Variants in ZFAT observed in about 807,000 individuals in gnomAD.
ZFAT encodes the protein zinc finger and AT-hook domain containing.
A neutral mutation model predicts 117.7 loss-of-function variants in ZFAT; 64 were observed. The observed-to-expected ratio is 0.54, with a 90% CI of 0.44 to 0.67. The LOEUF (loss-of-function observed/expected upper bound fraction) is 0.67. Among genes scored for constraint, ZFAT ranks in the 30% least tolerant of loss-of-function variants. ZFAT has a pLI of 0.00. For synonymous variants in ZFAT, 679 were observed against 615.0 expected (o/e 1.10, Z -1.54); for missense variants, 1,433 against 1,584.5 (o/e 0.90, Z 1.62).
chr8:134,622,258 A>C (rs1829172511), intron 3 of ZFAT, among the ~76,000 whole-genome samples: 1 of 152,164 alleles, frequency 6.6e-6, no homozygotes, highest in Admixed American at 6.5e-5. Flanking sequence ...CCAGGTGCTG[A>C]TGCTCCAAGA....
the ZFAT span, among the ~76,000 whole-genome samples, chr8:134,743,503 A>T: frequency 6.6e-6 from 1 of 152,134 alleles, no homozygotes; most frequent in African/African-American, 2.4e-5. Flanking sequence ...AAAAAAATTT[A>T]AAAAAATAAA....
At chr8:134,501,318 C>T (rs777702089) in intron 15 of ZFAT, among the ~76,000 whole-genome samples, 1 of 152,176 alleles carries the variant, frequency 6.6e-6, no homozygotes, top group Non-Finnish European at 1.5e-5. Flanking sequence ...GGGTCTTCCA[C>T]AGGCCTTTGA....
the ZFAT span, among the ~76,000 whole-genome samples, chr8:134,788,895 T>C: frequency 1.3e-5 from 2 of 152,106 alleles, no homozygotes; most frequent in Non-Finnish European, 2.9e-5. Context: ...CTGTTTTTAT[T>C]TGGTTTGCTG....
At chr8:134,518,923 G>A (rs1188687268) in intron 13 of ZFAT, among the ~76,000 whole-genome samples, 1 of 152,032 alleles carries the variant, frequency 6.6e-6, no homozygotes, top group Non-Finnish European at 1.5e-5. Flanking sequence ...CTACCAACTT[G>A]AGACACCATC....
intron 1 of ZFAT, among the ~76,000 whole-genome samples, chr8:134,700,412 G>A (rs1194671597): frequency 6.6e-6 from 1 of 152,188 alleles, no homozygotes; most frequent in Non-Finnish European, 1.5e-5. Context: ...CCCTGCCAAT[G>A]GAGGTAGAGA....
intron 15 of ZFAT, among the ~76,000 whole-genome samples, chr8:134,500,495 A>T (rs542300199): frequency 2.6e-5 from 4 of 152,342 alleles, no homozygotes; most frequent in African/African-American, 9.6e-5. Context: ...ACCATTTCTC[A>T]TATGGCCACA....
chr8:134,767,360 T>G, the ZFAT span: 1 of 152,252 alleles, frequency 6.6e-6, no homozygotes, highest in Non-Finnish European at 1.5e-5. Flanking sequence ...TTTTTGCAGA[T>G]GCAAATCTAG....
intron 13 of ZFAT, among the ~76,000 whole-genome samples, chr8:134,519,371 C>A (rs1266235130): frequency 1.3e-5 from 2 of 152,044 alleles, no homozygotes; most frequent in Non-Finnish European, 2.9e-5. Flanking sequence ...CTAGATTTAT[C>A]TTGGTTTTGT....
chr8:134,498,084 T>C (rs1280443493), intron 15 of ZFAT, among the ~76,000 whole-genome samples: 6 of 45,804 alleles, frequency 1.3e-4, no homozygotes, highest in African/African-American at 2.9e-4. Context: ...TTGGGAGGGT[T>C]GTGGTGGAGC....
chr8:134,486,609 C>A (rs1817672009), intron 15 of ZFAT, among the ~76,000 whole-genome samples: 1 of 152,166 alleles, frequency 6.6e-6, no homozygotes, highest in African/African-American at 2.4e-5. Flanking sequence ...GTTGGCACTC[C>A]TGTTGTTCTC....
the ZFAT span, among the ~76,000 whole-genome samples, chr8:134,738,872 A>G: frequency 1.3e-5 from 2 of 152,318 alleles, no homozygotes; most frequent in African/African-American, 4.8e-5. Context: ...AGCAGAGAAC[A>G]GTGGGGAGAA....
chr8:134,624,708 C>A (rs1829379815), intron 3 of ZFAT, among the ~76,000 whole-genome samples: 2 of 152,126 alleles, frequency 1.3e-5, no homozygotes, highest in Non-Finnish European at 2.9e-5. Flanking sequence ...ACTCTTAGTG[C>A]AGGATTTGCG....
the ZFAT span, among the ~76,000 whole-genome samples, chr8:134,737,077 T>G: frequency 6.6e-6 from 1 of 152,116 alleles, no homozygotes; most frequent in Admixed American, 6.5e-5. Context: ...GGTCAGGTGT[T>G]CGAGACCAGT....
chr8:134,788,416 T>C, the ZFAT span, among the ~76,000 whole-genome samples: 9 of 152,124 alleles, frequency 5.9e-5, no homozygotes, highest in African/African-American at 1.9e-4. Context: ...TAGTTGCGGG[T>C]TTCTCTAATC....
At chr8:134,519,827 T>G (rs185598238) in intron 13 of ZFAT, among the ~76,000 whole-genome samples, 157 of 152,256 alleles carry the variant, frequency 1.0e-3, no homozygotes, top group Middle Eastern at 6.8e-3. Flanking sequence ...GACACACATT[T>G]TTTTTTTTAT....
intron 3 of ZFAT, among the ~76,000 whole-genome samples, chr8:134,623,264 G>A (rs923476044): frequency 6.6e-6 from 1 of 152,116 alleles, no homozygotes; most frequent in Non-Finnish European, 1.5e-5. Flanking sequence ...CAACCCATCC[G>A]CTTCCTCCTT....
intron 11 of ZFAT, among the ~76,000 whole-genome samples, chr8:134,550,322 A>AAAAAAAAAAAAAC (rs1823052145): frequency 6.7e-6 from 1 of 149,062 alleles, no homozygotes; most frequent in African/African-American, 2.6e-5. Context: ...AAAAAAAAAA[A>AAAAAAAAAAAAAC]AAAAAAAAAA....
Position 134,512,562 on chromosome 8 carries a change from G to C in ZFAT, c.3274C>G (p.Leu1092Val). The C allele has an allele frequency of 4.3e-6, 7 of 1,613,954 alleles. No homozygotes were observed. The highest frequency in any genetic ancestry group is 5.9e-6 in the Non-Finnish European group (7 of 1,179,870). Residue 1092 changes from leucine to valine, a missense_variant, in exon 14 of 16, where the codon CTC becomes GTC. Around this residue, in one of 5 missense-constraint regions of ZFAT, gnomAD observed 503 missense variants for 543.4 expected, o/e 0.93. Coordinates refer to ENST00000377838, the MANE Select transcript of ZFAT (RefSeq NM_020863.4). ...EAPEEPSTQY[L>V]HITEAEEDVQ... ...TCTTCTTCGGCCTCTGTGATGTGGA[G>C]ATACTGGGTGGAGGGCTCCTCAGGA...
chr8:134,546,652 A>G (rs1162609392), intron 11 of ZFAT, among the ~76,000 whole-genome samples: 1 of 152,208 alleles, frequency 6.6e-6, no homozygotes, highest in Non-Finnish European at 1.5e-5. Flanking sequence ...GATGCTTCTG[A>G]GAAATATTTC....
Sources: allele counts gnomAD v4.1 joint callset (sites outside exome capture counted in the v4.1 genomes callset), GRCh38; gene constraint gnomAD v4.1.1; regional missense constraint gnomAD v4.1.1; transcripts MANE v1.5; gene names NCBI Gene and HGNC (gene_info 2026-07-23, HGNC 2026-07-21).